ATG13: variants seen among roughly 807,000 people sequenced by gnomAD.
The protein encoded by ATG13 is autophagy related 13, also known as autophagy-related protein 13.
In ATG13, 23 loss-of-function variants were observed where a neutral mutation model predicts 65.5. The observed-to-expected ratio is 0.35, with a 90% CI of 0.25 to 0.50. ATG13 has a LOEUF of 0.50. ATG13 is among the 20% of genes least tolerant of loss of function. ATG13 has a pLI of 0.98. For missense variants in ATG13, 566 were observed against 677.0 expected, an observed-to-expected ratio of 0.84 and a Z score of 1.82; for synonymous variants, 252 against 245.2, an observed-to-expected ratio of 1.03 and a Z score of -0.26.
chr11:46,635,053 T>G (rs2053482084), intron 2 of ATG13, among the ~76,000 whole-genome samples: 1 of 150,926 alleles, frequency 6.6e-6, no homozygotes, highest in South Asian at 2.1e-4. Flanking sequence ...TGTCTCCTAG[T>G]CTGGAGTGCA....
chr11:46,636,455 G>C (rs1488312706), intron 2 of ATG13, among the ~76,000 whole-genome samples: 1 of 149,812 alleles, frequency 6.7e-6, no homozygotes, highest in African/African-American at 2.5e-5. Flanking sequence ...CTACTCAGGA[G>C]ACTGAGGCAG....
At chr11:46,650,954 T>C (rs1157913540) in intron 7 of ATG13, among the ~76,000 whole-genome samples, 1 of 152,234 alleles carries the variant, frequency 6.6e-6, no homozygotes, top group Non-Finnish European at 1.5e-5. Context: ...TTCCACAGTT[T>C]TCTGTATTCC....
intron 2 of ATG13, among the ~76,000 whole-genome samples, chr11:46,633,003 A>ATAT (rs1555065599): frequency 1.2e-3 from 104 of 89,120 alleles, no homozygotes; most frequent in Middle Eastern, 5.7e-3. Context: ...ATTAAAAAAA[A>ATAT]ATATATATAT....
At chr11:46,665,246 A>T in intron 13 of ATG13, 137 bp from the exon 14 acceptor site, 1 of 1,105,062 alleles carries the variant, frequency 9.0e-7, no homozygotes, top group African/African-American at 1.6e-5. Context: ...GAGGATAAAG[A>T]TCCAGGGATT....
At chr11:46,633,015 TA>T (rs2052446896) in intron 2 of ATG13, among the ~76,000 whole-genome samples, 3 of 101,370 alleles carry the variant, frequency 3.0e-5, no homozygotes, top group African/African-American at 1.7e-4. Context: ...TATATATATA[TA>T]TATATATATA....
At chr11:46,636,400 AC>A in intron 2 of ATG13, among the ~76,000 whole-genome samples, 1 of 151,942 alleles carries the variant, frequency 6.6e-6, no homozygotes, top group Non-Finnish European at 1.5e-5. Flanking sequence ...TACTAAAAAT[AC>A]AAAAAAATTA....
At chr11:46,619,348 T>C (rs970730326) in intron 1 of ATG13, among the ~76,000 whole-genome samples, 1 of 149,898 alleles carries the variant, frequency 6.7e-6, no homozygotes, top group Non-Finnish European at 1.5e-5. Context: ...TTTTTTTTAA[T>C]GTCCTTGGAA....
intron 8 of ATG13, 34 bp from the exon 9 acceptor site, chr11:46,657,061 G>A (rs369264904): frequency 2.6e-6 from 4 of 1,557,616 alleles, no homozygotes; most frequent in Non-Finnish European, 3.5e-6. Context: ...AGTATTCTCT[G>A]CAAAAGAAGC....
At chr11:46,624,585 A>T (rs1209731317) in intron 1 of ATG13, among the ~76,000 whole-genome samples, 2 of 151,964 alleles carry the variant, frequency 1.3e-5, no homozygotes, top group Non-Finnish European at 2.9e-5. Context: ...GAGCTTGTCC[A>T]ATCACTTCCT....
chr11:46,636,908 T>G (rs968264624), intron 2 of ATG13, among the ~76,000 whole-genome samples: 1 of 152,108 alleles, frequency 6.6e-6, no homozygotes, highest in Non-Finnish European at 1.5e-5. Context: ...TTTGTATTTT[T>G]AGTAGAGACG....
chr11:46,621,370 T>C (rs1246868264), intron 1 of ATG13, among the ~76,000 whole-genome samples: 1 of 152,196 alleles, frequency 6.6e-6, no homozygotes, highest in Non-Finnish European at 1.5e-5. Context: ...GTCTGTAGTT[T>C]ATAAAATGAT....
chr11:46,648,806 G>T, intron 5 of ATG13: 1 of 164,340 alleles, frequency 6.1e-6, no homozygotes, highest in Admixed American at 6.4e-5. Flanking sequence ...AAAAGAGAGA[G>T]AGAGAAACAA....
chr11:46,670,916 C>T (rs2063573388), intron 18 of ATG13, among the ~76,000 whole-genome samples: 1 of 152,180 alleles, frequency 6.6e-6, no homozygotes, highest in African/African-American at 2.4e-5. Flanking sequence ...TAAGTTTTCT[C>T]ATCCCAGTTT....
intron 11 of ATG13, among the ~76,000 whole-genome samples, chr11:46,663,265 CAAAA>C (rs11422914): frequency 2.6e-5 from 2 of 78,392 alleles, no homozygotes; most frequent in African/African-American, 5.2e-5. Context: ...GACTCCATCT[CAAAA>C]AAAAAAAAAA....
In ATG13 at chr11:46,644,282, C is replaced by A; in HGVS notation, c.-10C>A. 1.3e-6 allele frequency: 2 copies of A among 1,583,098 alleles called. No homozygotes were observed. Among genetic ancestry groups the A allele is most frequent in the Non-Finnish European group, 1.7e-6 (2 of 1,168,580 alleles). ...TTTTTTCACTTTTTTTTTTTAGATT[C>A]CTATAGGCAATGGAAACTGATCTCA... On this transcript the variant is annotated 5_prime_UTR_variant, in exon 3 of 19. Coordinates refer to ENST00000683050, the MANE Select transcript of ATG13 (RefSeq NM_001346311.2).
chr11:46,620,484 AACTC>A (rs1474818278), intron 1 of ATG13, among the ~76,000 whole-genome samples: 1 of 151,928 alleles, frequency 6.6e-6, no homozygotes, highest in African/African-American at 2.4e-5. Flanking sequence ...TTAGAAAAAC[AACTC>A]AATTGGGCTG....
At chr11:46,635,930 C>T (rs1017689297) in intron 2 of ATG13, among the ~76,000 whole-genome samples, 2 of 152,062 alleles carry the variant, frequency 1.3e-5, no homozygotes, top group Non-Finnish European at 2.9e-5. Context: ...AATCCTGCAG[C>T]GCATTTCTTT....
chr11:46,634,525 G>T (rs1007698281), intron 2 of ATG13, among the ~76,000 whole-genome samples: 2 of 151,356 alleles, frequency 1.3e-5, no homozygotes, highest in African/African-American at 4.9e-5. Flanking sequence ...CTCCTGAGTA[G>T]CTGGGACTAT....
intron 2 of ATG13, among the ~76,000 whole-genome samples, chr11:46,631,644 G>A (rs1157909478): frequency 6.6e-6 from 1 of 152,124 alleles, no homozygotes; most frequent in Non-Finnish European, 1.5e-5. Context: ...TGAGAGGATC[G>A]TTTGAGGCCA....
Sources: gnomAD v4.1 joint callset for allele counts (sites outside exome capture counted in the v4.1 genomes callset) on GRCh38, gnomAD v4.1.1 for gene constraint, MANE v1.5 for transcripts, NCBI Gene and HGNC (gene_info 2026-07-23, HGNC 2026-07-21) for gene names.